The following NAAA variants were observed in gnomAD, a reference collection of about 807,000 sequenced individuals.
The protein encoded by NAAA is N-acylethanolamine acid amidase.
Under a neutral mutation model 44.8 loss-of-function variants are expected in NAAA, and 39 were observed. The observed-to-expected ratio is 0.87, with a 90% confidence interval of 0.67 to 1.14. The LOEUF (loss-of-function observed/expected upper bound fraction) is 1.14. Among genes scored for constraint, NAAA ranks in the 50% most tolerant of loss-of-function variants. The pLI, the probability that NAAA is intolerant of heterozygous loss-of-function variation, is 0.00. For missense variants in NAAA, 460 were observed against 467.8 expected (o/e 0.98, Z 0.15); for synonymous variants, 178 against 191.3 (o/e 0.93, Z 0.58).
At chr4:75,919,798 A>T (rs776312610) in intron 8 of NAAA, 111 bp downstream of exon 8, 1 of 1,106,878 alleles carries the variant, frequency 9.0e-7, no homozygotes, top group South Asian at 1.3e-5. Context: ...ACCAAATAAA[A>T]CTTTTACCCT....
At chr4:75,926,638 T>C (rs1560509545) in intron 4 of NAAA, among the ~76,000 whole-genome samples, 3 of 150,194 alleles carry the variant, frequency 2.0e-5, no homozygotes, top group Non-Finnish European at 4.4e-5. Flanking sequence ...TTTGCATTAA[T>C]AAGAGATTAA....
At chr4:75,927,674 T>G (rs1455647712) in intron 4 of NAAA, among the ~76,000 whole-genome samples, 1 of 121,492 alleles carries the variant, frequency 8.2e-6, no homozygotes, top group African/African-American at 3.3e-5. Context: ...AGAATTTGAA[T>G]GTTTCTAGTG....
chr4:75,935,309 G>C (rs1320898604), intron 3 of NAAA: 1 of 152,142 alleles, frequency 6.6e-6, no homozygotes, highest in Non-Finnish European at 1.5e-5. Flanking sequence ...AGGGAATATA[G>C]TCCTTGTCCT....
At chr4:75,940,600 C>A in intron 1 of NAAA, 144 bp downstream of exon 1, 1 of 944,628 alleles carries the variant, frequency 1.1e-6, no homozygotes, top group South Asian at 1.8e-5. Flanking sequence ...AACCCGGACG[C>A]TGCTCAGGGC....
chr4:75,934,499 T>C (rs1578081433), intron 3 of NAAA, among the ~76,000 whole-genome samples: 1 of 144,088 alleles, frequency 6.9e-6, no homozygotes, highest in African/African-American at 2.5e-5. Flanking sequence ...TTTTTTTTTT[T>C]TGTAGTTTTA....
At chr4:75,924,963 CCT>C (rs528935685) in intron 5 of NAAA, among the ~76,000 whole-genome samples, 200 of 152,164 alleles carry the variant, frequency 1.3e-3, no homozygotes, top group African/African-American at 4.5e-3. Context: ...CCCCTGTCTC[CCT>C]GTCTCTGTAG....
At chr4:75,935,141 A>G (rs1174752940) in intron 3 of NAAA, 1 of 152,236 alleles carries the variant, frequency 6.6e-6, no homozygotes, top group Non-Finnish European at 1.5e-5. Context: ...ATAGTGGCAA[A>G]GTAAAGAAAT....
At chr4:75,918,021 T>C (rs1008597844) in intron 9 of NAAA, among the ~76,000 whole-genome samples, 1 of 152,246 alleles carries the variant, frequency 6.6e-6, no homozygotes, top group African/African-American at 2.4e-5. Context: ...AGGTGAAGGC[T>C]GTCCACAGCT....
intron 3 of NAAA, among the ~76,000 whole-genome samples, chr4:75,934,482 A>ATTTT (rs373578792): frequency 1.5e-5 from 2 of 135,592 alleles, no homozygotes; most frequent in Non-Finnish European, 3.1e-5. Flanking sequence ...CGCCCAGCTA[A>ATTTT]TTTTTTTTTT....
At chr4:75,913,077 TC>T (rs1291580616), downstream of NAAA, among the ~76,000 whole-genome samples, 2 of 152,144 alleles carry the variant, frequency 1.3e-5, no homozygotes, top group African/African-American at 4.8e-5. Flanking sequence ...AAAACTGCCT[TC>T]CTTTTGTTCC....
rs975639585 is a variant in NAAA, at chr4:75,941,011, C to G, written c.-62G>C. The G allele has an allele frequency of 2.9e-6, 4 of 1,401,060 alleles. No individual in the cohort carries two copies. The highest frequency in any genetic ancestry group is 3.0e-5 in the African/African-American group (2 of 65,962). The allele number at this position is 1,401,060 out of a possible 1,614,324, so 86.8% of individuals were successfully genotyped here. A position where few individuals can be genotyped will look rare whatever the true frequency, so the allele number is the denominator to read the frequency against. On this transcript the variant is annotated 5_prime_UTR_variant, in exon 1 of 11. Coordinates refer to ENST00000286733, the MANE Select transcript of NAAA (RefSeq NM_014435.4). The stretch of plus-strand genomic sequence containing the variant: ...AGCCGCTGTCGGAGCCCGGGTAAGC[C>G]GTGGAGGAGGAGGAGCTGGGGCTGG...
intron 3 of NAAA, among the ~76,000 whole-genome samples, chr4:75,931,921 G>A (rs1201064367): frequency 6.6e-6 from 1 of 152,172 alleles, no homozygotes; most frequent in East Asian, 1.9e-4. Context: ...AGTAGCAAGT[G>A]GAGTCTTACT....
chr4:75,939,895 G>A, intron 2 of NAAA, 106 bp downstream of exon 2: 13 of 1,342,504 alleles, frequency 9.7e-6, no homozygotes, highest in Non-Finnish European at 1.3e-5. Flanking sequence ...TAGGCAAGCA[G>A]GCACCGCCCT....
At chr4:75,921,863 C>A (rs1351664684) in intron 5 of NAAA, among the ~76,000 whole-genome samples, 1 of 152,126 alleles carries the variant, frequency 6.6e-6, no homozygotes, top group Non-Finnish European at 1.5e-5. Flanking sequence ...TGTTCAGACA[C>A]CCCGAGGGCG....
downstream of NAAA, among the ~76,000 whole-genome samples, chr4:75,910,883 A>T (rs2149236312): frequency 6.6e-6 from 1 of 152,348 alleles, no homozygotes; most frequent in East Asian, 1.9e-4. Flanking sequence ...ACCTGGGTGC[A>T]CGTGGGCTGA....
Position 75,933,806 on chromosome 4 carries a change from G to A in NAAA, c.498+2303C>T, listed in dbSNP as rs180854964. On this transcript the variant is annotated intron_variant, in intron 3 of 10. Transcript: ENST00000286733. ...TCCCAGCACTTTGGGAGGCCGAGGC[G>A]GGTGGATTATCTGAGCTCAGGAGTT... Among the ~76,000 whole-genome samples the A allele has an allele frequency of 3.2e-4, 49 of 151,864 alleles. 1 individual carries two copies. Among genetic ancestry groups the A allele is most frequent in the East Asian group, 3.1e-3 (16 of 5,154 alleles).
intron 4 of NAAA, among the ~76,000 whole-genome samples, chr4:75,928,889 A>G (rs912621515): frequency 4.7e-5 from 7 of 148,726 alleles, no homozygotes; most frequent in Non-Finnish European, 1.0e-4. Flanking sequence ...CCGGGTTCAC[A>G]CCATTCTCCT....
downstream of NAAA, among the ~76,000 whole-genome samples, chr4:75,912,773 C>CA (rs112998583): frequency 2.0e-4 from 29 of 142,850 alleles, no homozygotes; most frequent in Admixed American, 2.1e-4. Flanking sequence ...GACCCTGTCT[C>CA]AAAAAAAAAA....
chr4:75,937,354 G>A (rs1329601931), intron 2 of NAAA, among the ~76,000 whole-genome samples: 1 of 152,212 alleles, frequency 6.6e-6, no homozygotes, highest in Non-Finnish European at 1.5e-5. Context: ...GGGAGGCGGA[G>A]GTTGCGATGA....
Sources: gnomAD v4.1 joint callset for allele counts (sites outside exome capture counted in the v4.1 genomes callset) on GRCh38, gnomAD v4.1.1 for gene constraint, MANE v1.5 for transcripts, NCBI Gene and HGNC (gene_info 2026-07-23, HGNC 2026-07-21) for gene names.